SLC23A2: variants seen among roughly 807,000 people sequenced by gnomAD.
SLC23A2 encodes the protein solute carrier family 23 member 2, also known as Na(+)/L-ascorbic acid transporter 2.
SLC23A2 carries 36 observed loss-of-function variants against 73.3 expected under a neutral mutation model. That is an observed-to-expected ratio of 0.49 (90% CI 0.38 to 0.65). The LOEUF (loss-of-function observed/expected upper bound fraction) is 0.65, where lower values mean the gene tolerates loss of function less well. SLC23A2 is among the 30% of genes least tolerant of loss of function. The probability of loss-of-function intolerance (pLI) is 0.00; values close to 1 mark genes in which losing one functional copy is unlikely to be tolerated. For synonymous variants in SLC23A2, 343 were observed against 327.3 expected (o/e 1.05, Z -0.52); for missense variants, 507 against 841.6 (o/e 0.60, Z 4.92).
rs373468447 is a variant in SLC23A2, at chr20:4,918,923, A to G, written c.109-5945T>C. ...ACACAGTTATTAATCCCCCTCCTCA[A>G]TGTGTGCACACACCGTTATTTCCTC... On this transcript the variant is annotated intron_variant, in intron 3 of 16. Transcript: ENST00000338244. Among the ~76,000 whole-genome samples, 4 of 152,110 alleles carry G rather than the reference A, an allele frequency of 2.6e-5. No homozygotes were observed. In the South Asian group the frequency reaches 8.3e-4, roughly 32 times the overall value.
upstream of SLC23A2, among the ~76,000 whole-genome samples, chr20:5,003,439 C>T (rs1304876959): frequency 1.3e-5 from 2 of 151,930 alleles, no homozygotes; most frequent in African/African-American, 2.4e-5. Context: ...GTGACCAGCA[C>T]CCAGAGAAAA....
rs915882438 is a variant in SLC23A2, at chr20:4,869,740, G to T, written c.1250+166C>A. Reference sequence around the variant, plus strand: ...AACAAAGGCAGTGGTGTATCAGACAGTCGAAAGTAAACAAAGGTGGTGATG... The same window carrying T: ...AACAAAGGCAGTGGTGTATCAGACATTCGAAAGTAAACAAAGGTGGTGATG... On this transcript the variant is annotated intron_variant, in intron 12 of 16. Transcript: ENST00000338244. 4 of 571,258 alleles carry T rather than the reference G, an allele frequency of 7.0e-6. No individual in the cohort carries two copies. The South Asian group carries it at 1.0e-4, about 15-fold the overall frequency. The allele number at this position is 571,258 out of a possible 1,614,324, so 35.4% of individuals were successfully genotyped here. A position where few individuals can be genotyped will look rare whatever the true frequency, so the allele number is the denominator to read the frequency against.
chr20:4,890,051 C>T (rs547431463), intron 6 of SLC23A2, among the ~76,000 whole-genome samples: 2 of 152,182 alleles, frequency 1.3e-5, no homozygotes, highest in Admixed American at 1.3e-4. Flanking sequence ...GCCAATGGTT[C>T]CTATGGGAAA....
intron 3 of SLC23A2, among the ~76,000 whole-genome samples, chr20:4,921,122 A>G (rs1932487957): frequency 6.6e-6 from 1 of 152,236 alleles, no homozygotes; most frequent in Admixed American, 6.5e-5. Context: ...CAAAGTCCCA[A>G]TGCAAGTGGA....
chr20:5,005,387 C>T (rs2423086), upstream of SLC23A2, among the ~76,000 whole-genome samples: 1 of 151,956 alleles, frequency 6.6e-6, no homozygotes, highest in East Asian at 1.9e-4. Context: ...ACAGCTCATA[C>T]AAACAAGGTT....
At chr20:4,873,649 C>T (rs1930538972) in intron 11 of SLC23A2, among the ~76,000 whole-genome samples, 1 of 152,202 alleles carries the variant, frequency 6.6e-6, no homozygotes, top group Admixed American at 6.5e-5. Flanking sequence ...CAAATCCTGG[C>T]CACCAGAGCT....
intron 15 of SLC23A2, among the ~76,000 whole-genome samples, chr20:4,861,638 T>C (rs933299808): frequency 3.3e-5 from 5 of 152,146 alleles, no homozygotes; most frequent in Admixed American, 1.3e-4. Flanking sequence ...AAAATTATCT[T>C]AATGGAGCAT....
rs1394941385 is a variant in SLC23A2 at position 4,863,306 on chromosome 20, A to G, written c.1357-399T>C. 6.6e-6 allele frequency among the ~76,000 whole-genome samples: 1 copy of G among 152,122 alleles called. No homozygotes were observed. Among genetic ancestry groups the G allele is most frequent in the Non-Finnish European group, 1.5e-5 (1 of 68,022 alleles). On this transcript the variant is annotated intron_variant, in intron 13 of 16. Coordinates refer to ENST00000338244, the MANE Select transcript of SLC23A2 (RefSeq NM_005116.6). The surrounding 1 kb of genome is among the most constrained non-coding windows in gnomAD (Gnocchi z 4.8). ...CGGAAATCAGACCAAACCCCCAGAC[A>G]TGTCTGGAACCTCCTCTCCTCACGG...
In SLC23A2 at chr20:4,888,270, C is replaced by T. The variant is rs1052391250; in HGVS notation, c.483-2361G>A. Among the ~76,000 whole-genome samples, 61 of 152,192 alleles carry T rather than the reference C, an allele frequency of 4.0e-4. 2 individuals are homozygous for T. Among genetic ancestry groups the T allele is most frequent in the South Asian group, 2.1e-4 (1 of 4,824 alleles). On this transcript the variant is annotated intron_variant, in intron 6 of 16. Transcript: ENST00000338244. The stretch of plus-strand genomic sequence containing the variant: ...CAAAGGACAGCCATTTATTTACTCA[C>T]GGTCTAAGGCTGCTTTCACGCTATC...
intron 9 of SLC23A2, among the ~76,000 whole-genome samples, chr20:4,877,809 A>G (rs1986459710): frequency 1.3e-5 from 2 of 152,344 alleles, no homozygotes; most frequent in South Asian, 4.1e-4. Flanking sequence ...AAAGTCAATA[A>G]AAAAATAAGT....
At chr20:4,953,626 C>CAAA (rs1568640075) in intron 2 of SLC23A2, among the ~76,000 whole-genome samples, 1 of 152,032 alleles carries the variant, frequency 6.6e-6, no homozygotes, top group East Asian at 1.9e-4. Flanking sequence ...CAGTGGCTCA[C>CAAA]GTCTGTAATC....
Position 4,872,593 on chromosome 20 carries a change from C to G in SLC23A2, c.1102+1343G>C, listed in dbSNP as rs371658215. Among the ~76,000 whole-genome samples, 2 of 152,136 alleles carry G rather than the reference C, an allele frequency of 1.3e-5. No homozygotes were observed. The highest frequency in any genetic ancestry group is 2.9e-5 in the Non-Finnish European group (2 of 68,022). Reference sequence around the variant, plus strand: ...GGGGCTTCTACCTACCTGCCACCCCCGCCTCGCCCTCACCCTGACTGCCTC... The same window carrying G: ...GGGGCTTCTACCTACCTGCCACCCCGGCCTCGCCCTCACCCTGACTGCCTC... On this transcript the variant is annotated intron_variant, in intron 11 of 16. Transcript: ENST00000338244. The surrounding 1 kb of genome is among the most constrained non-coding windows in gnomAD (Gnocchi z 4.4).
At chr20:4,986,689 CAG>C (rs5840061) in intron 1 of SLC23A2, among the ~76,000 whole-genome samples, 5 of 129,890 alleles carry the variant, frequency 3.8e-5, no homozygotes, top group African/African-American at 1.4e-4. Context: ...CACACACACA[CAG>C]AGATGAATAT....
At chr20:4,939,113 T>C (rs2087003593) in intron 2 of SLC23A2, among the ~76,000 whole-genome samples, 1 of 152,156 alleles carries the variant, frequency 6.6e-6, no homozygotes, top group South Asian at 2.1e-4. Flanking sequence ...AAAAGATGAT[T>C]GTAACAAAGC....
At chr20:4,949,287 C>CA (rs570455717) in intron 2 of SLC23A2, among the ~76,000 whole-genome samples, 1,877 of 57,378 alleles carry the variant, frequency 0.033, 41 homozygotes, top group African/African-American at 0.099. Context: ...GACTCCATCT[C>CA]AAAAAAAAAA....
At chr20:4,880,033 C>T (rs1744351454) in intron 9 of SLC23A2, among the ~76,000 whole-genome samples, 1 of 152,212 alleles carries the variant, frequency 6.6e-6, no homozygotes, top group Admixed American at 6.5e-5. Flanking sequence ...GACATTTGAA[C>T]TCAGGGCTCG....
At chr20:4,972,259 A>G (rs1451525415) in intron 1 of SLC23A2, among the ~76,000 whole-genome samples, 1 of 152,178 alleles carries the variant, frequency 6.6e-6, no homozygotes, top group African/African-American at 2.4e-5. Context: ...TGGGCAAGTT[A>G]GCATCAACAA....
At chr20:4,867,603 C>A (rs1930255323) in intron 13 of SLC23A2, among the ~76,000 whole-genome samples, 167 bp downstream of exon 13, 1 of 141,184 alleles carries the variant, frequency 7.1e-6, no homozygotes, top group Non-Finnish European at 1.5e-5. Flanking sequence ...AGAGAGACTT[C>A]CAAACAGGCA....
chr20:4,904,974 C>T (rs906841228), intron 4 of SLC23A2, among the ~76,000 whole-genome samples: 4 of 151,900 alleles, frequency 2.6e-5, no homozygotes, highest in Admixed American at 2.0e-4. Context: ...ATTAGCTGGG[C>T]GTGGTGGCGT....
Sources: allele counts gnomAD v4.1 joint callset (sites outside exome capture counted in the v4.1 genomes callset), GRCh38; gene constraint gnomAD v4.1.1; non-coding constraint Gnocchi (gnomAD v3.1); transcripts MANE v1.5; gene names NCBI Gene and HGNC (gene_info 2026-07-23, HGNC 2026-07-21).